The following PCDH19 variants were observed in gnomAD, a reference collection of about 807,000 sequenced individuals.
PCDH19 encodes the protein protocadherin 19, also known as protocadherin-19.
PCDH19 carries 6 observed loss-of-function variants against 46.2 expected under a neutral mutation model. The observed-to-expected ratio is 0.13, with a 90% CI of 0.07 to 0.26. The LOEUF (loss-of-function observed/expected upper bound fraction) is 0.26. Ranked by LOEUF, PCDH19 falls within the 10% of genes least tolerant of loss-of-function variation. The pLI is 1.00. For synonymous variants in PCDH19, 481 were observed against 415.7 expected, an observed-to-expected ratio of 1.16 and a Z score of -1.91; for missense variants, 740 against 972.3, an observed-to-expected ratio of 0.76 and a Z score of 3.18.
chrX:100,325,585 G>C (rs780946729), intron 5 of PCDH19, among the ~76,000 whole-genome samples: 4 of 111,287 alleles, frequency 3.6e-5, no homozygotes, highest in African/African-American at 9.8e-5. Flanking sequence ...GGCCAGGCTG[G>C]TCTTGAACTC....
chrX:100,303,066 C>T (rs1415915500), intron 5 of PCDH19, among the ~76,000 whole-genome samples: 1 of 111,450 alleles, frequency 9.0e-6, no homozygotes, highest in Non-Finnish European at 1.9e-5. Context: ...TAAGTGTCCT[C>T]TTAGCCTCTG....
rs1928417160 is a variant in PCDH19 at position 100,407,641 on chromosome X, C to T, written c.957G>A (p.Lys319=). 1 of 1,212,295 alleles carries T rather than the reference C, an allele frequency of 8.2e-7. No individual in the cohort carries two copies. Among genetic ancestry groups the T allele is most frequent in the Admixed American group, 2.2e-5 (1 of 46,155 alleles). Residue 319 remains lysine, a synonymous_variant, in exon 1 of 6, where the codon AAG becomes AAA. Transcript: ENST00000373034. ...CCGGGATGGAATTGGGCCCCAAGTC[C>T]TTAGCCTGCACGTCCAGTTCGTACA... ...GHVYELDVQA[K]DLGPNSIPAH...
chrX:100,296,928 G>A (rs772604075), intron 5 of PCDH19, 53 bp from the exon 6 acceptor site: 1 of 1,063,832 alleles, frequency 9.4e-7, no homozygotes, highest in South Asian at 1.9e-5. Flanking sequence ...AGGATTCACT[G>A]TTACTCCCCA....
chrX:100,379,373 C>T (rs894418507), intron 3 of PCDH19, among the ~76,000 whole-genome samples: 2 of 108,232 alleles, frequency 1.8e-5, no homozygotes, highest in Non-Finnish European at 3.8e-5. Flanking sequence ...CTCAGGAACA[C>T]AACTTCTTTC....
At chrX:100,396,304 G>A (rs12833112) in intron 3 of PCDH19, among the ~76,000 whole-genome samples, 2,087 of 111,953 alleles carry the variant, frequency 0.019, 20 homozygotes, top group Non-Finnish European at 0.03. Flanking sequence ...CTTCTGCGCT[G>A]GGCACAATAA....
At chrX:100,398,423 G>C (rs1341881391) in intron 3 of PCDH19, among the ~76,000 whole-genome samples, 1 of 112,330 alleles carries the variant, frequency 8.9e-6, no homozygotes, top group Non-Finnish European at 1.9e-5. Context: ...GATGTGGCTA[G>C]GTTTGGACAC....
chrX:100,373,048 C>T (rs1260429130), intron 3 of PCDH19, among the ~76,000 whole-genome samples: 4 of 112,487 alleles, frequency 3.6e-5, no homozygotes, highest in Non-Finnish European at 5.6e-5. Context: ...CTTGCTCTGT[C>T]GCCAGGCTGG....
chrX:100,380,773 T>C, intron 3 of PCDH19, among the ~76,000 whole-genome samples: 1 of 112,469 alleles, frequency 8.9e-6, no homozygotes, highest in South Asian at 3.7e-4. Context: ...AATTTTGTTT[T>C]CAAATTCCAA....
rs5967122 is a variant in PCDH19 at position 100,363,888 on chromosome X, A to T, written c.2617-13184T>A. Among the ~76,000 whole-genome samples the T allele has an allele frequency of 4.1e-3, 93 of 22,823 alleles. 1 individual carries two copies. Among genetic ancestry groups the T allele is most frequent in the African/African-American group, 7.4e-3 (55 of 7,475 alleles). 19.8% of individuals were successfully genotyped at this position (22,823 alleles called of 115,157 possible). ...GTGTGTGTGTGTGTGTGTGTGTGTG[A>T]GAGAGAGGGAGAGGGAGAGAGAAAG... On this transcript the variant is annotated intron_variant, in intron 3 of 5. Coordinates refer to ENST00000373034, the MANE Select transcript of PCDH19 (RefSeq NM_001184880.2).
chrX:100,322,463 T>A (rs1925523365), intron 5 of PCDH19, among the ~76,000 whole-genome samples: 1 of 111,628 alleles, frequency 9.0e-6, no homozygotes, highest in South Asian at 3.8e-4. Context: ...GATGTTTTGG[T>A]GACTATGGCC....
At chrX:100,333,826 G>C (rs1282525190) in intron 5 of PCDH19, among the ~76,000 whole-genome samples, 4 of 93,595 alleles carry the variant, frequency 4.3e-5, no homozygotes, top group African/African-American at 1.6e-4. Context: ...GTCTCACTGT[G>C]TCACCCAGGC....
intron 3 of PCDH19, among the ~76,000 whole-genome samples, chrX:100,353,747 CT>C (rs1473681024): frequency 1.8e-5 from 2 of 111,871 alleles, no homozygotes; most frequent in African/African-American, 3.3e-5. Context: ...TTTTATCCTC[CT>C]TTTTTAACTC....
intron 4 of PCDH19, among the ~76,000 whole-genome samples, chrX:100,344,767 C>T (rs752924947): frequency 2.7e-4 from 27 of 100,606 alleles, no homozygotes; most frequent in Non-Finnish European, 4.6e-4. Flanking sequence ...GCAATATTGA[C>T]ATTTGGGGCT....
intron 5 of PCDH19, among the ~76,000 whole-genome samples, chrX:100,309,376 T>A (rs994798019): frequency 9.0e-6 from 1 of 111,069 alleles, no homozygotes; most frequent in Admixed American, 9.6e-5. Context: ...CTTTGGAGAC[T>A]CAGGGGAAAG....
At chrX:100,361,272 C>A (rs185410537) in intron 3 of PCDH19, among the ~76,000 whole-genome samples, 2 of 112,043 alleles carry the variant, frequency 1.8e-5, no homozygotes, top group African/African-American at 6.5e-5. Flanking sequence ...TCATTCCCCC[C>A]ACAGCTGAAA....
chrX:100,407,174 A>G lies in PCDH19; in HGVS notation c.1424T>C (p.Val475Ala). 8.3e-7 allele frequency: 1 copy of G among 1,212,030 alleles called. No homozygotes were observed. Among genetic ancestry groups the G allele is most frequent in the Non-Finnish European group, 1.1e-6 (1 of 895,583 alleles). Residue 475 changes from valine (V) to alanine (A), a missense_variant, in exon 1 of 6, where the codon GTG becomes GCG. Transcript: ENST00000373034. The stretch of plus-strand genomic sequence containing the variant: ...ACCCAGGTCGGGGTCGCGAGCAGAC[A>G]CAGAGAGCAGATAGGCGCCAGGCGT... Reference protein sequence around the residue: ...NNTPGAYLLSVSARDPDLGLN... With the variant: ...NNTPGAYLLSASARDPDLGLN...
chrX:100,403,278 G>A (rs977878291), intron 2 of PCDH19, among the ~76,000 whole-genome samples: 2 of 102,857 alleles, frequency 1.9e-5, no homozygotes, highest in African/African-American at 7.1e-5. Context: ...AAAAATACCC[G>A]CCCCCACCCC....
At chrX:100,307,658 T>A (rs1924990421) in intron 5 of PCDH19, among the ~76,000 whole-genome samples, 1 of 110,713 alleles carries the variant, frequency 9.0e-6, no homozygotes, top group Admixed American at 9.6e-5. Flanking sequence ...TAACGAGTCA[T>A]CCAAAAAGCT....
intron 3 of PCDH19, among the ~76,000 whole-genome samples, chrX:100,390,303 A>G (rs1927825785): frequency 8.9e-6 from 1 of 112,162 alleles, no homozygotes. Flanking sequence ...TCCATTCACT[A>G]AAGTCTGGAG....
Sources: allele counts gnomAD v4.1 joint callset (sites outside exome capture counted in the v4.1 genomes callset), GRCh38; gene constraint gnomAD v4.1.1; transcripts MANE v1.5; gene names NCBI Gene and HGNC (gene_info 2026-07-23, HGNC 2026-07-21).